The following BBOX1 variants were observed in gnomAD, a reference collection of about 807,000 sequenced individuals.
BBOX1 encodes the protein gamma-butyrobetaine dioxygenase.
In BBOX1, 35 loss-of-function variants were observed where a neutral mutation model predicts 41.6. The ratio of observed to expected loss-of-function variants is 0.84; its 90% CI spans 0.64 to 1.11. The LOEUF (loss-of-function observed/expected upper bound fraction) is 1.11. Among genes scored for constraint, BBOX1 ranks in the 50% most tolerant of loss-of-function variants. BBOX1 has a pLI of 0.00. For synonymous variants in BBOX1, 163 were observed against 154.7 expected, an observed-to-expected ratio of 1.05 and a Z score of -0.40; for missense variants, 458 against 460.6, an observed-to-expected ratio of 0.99 and a Z score of 0.05.
chr11:27,105,928 G>C (rs1255438030), intron 5 of BBOX1, among the ~76,000 whole-genome samples: 20 of 152,204 alleles, frequency 1.3e-4, no homozygotes, highest in South Asian at 4.2e-4. Flanking sequence ...GAGAGTGGGG[G>C]CAAATATTCA....
intron 4 of BBOX1, among the ~76,000 whole-genome samples, chr11:27,063,830 C>A (rs1400332881): frequency 6.6e-6 from 1 of 150,918 alleles, no homozygotes; most frequent in Non-Finnish European, 1.5e-5. Context: ...CTGTTAGGAC[C>A]CTCTAAAATC....
chr11:27,054,205 C>CTGTG (rs57324926), intron 2 of BBOX1, among the ~76,000 whole-genome samples: 12,842 of 139,376 alleles, frequency 0.092, 596 homozygotes, highest in Middle Eastern at 0.15. Flanking sequence ...GTGTGTGTGT[C>CTGTG]TGTGTGTGTG....
intron 5 of BBOX1, among the ~76,000 whole-genome samples, chr11:27,097,350 A>G (rs938155156): frequency 6.6e-6 from 1 of 152,078 alleles, no homozygotes; most frequent in South Asian, 2.1e-4. Flanking sequence ...ACTACATTCT[A>G]TCATACACTG....
intron 4 of BBOX1, among the ~76,000 whole-genome samples, chr11:27,058,592 T>A (rs1857054312): frequency 6.6e-6 from 1 of 152,184 alleles, no homozygotes. Context: ...AATGCCTGGC[T>A]GATGAGTTAT....
Position 27,055,493 on chromosome 11 carries a change from G to C in BBOX1, c.63G>C (p.Trp21Cys). 1 of 1,614,162 alleles carries C rather than the reference G, an allele frequency of 6.2e-7. No homozygotes were observed. Among genetic ancestry groups the C allele is most frequent in the Non-Finnish European group, 8.5e-7 (1 of 1,180,044 alleles). The change falls in exon 3 of 9, where the codon TGG becomes TGC. Residue 21 changes from tryptophan to cysteine, a missense_variant. Transcript: ENST00000263182. ...GGGCTCATTTGATGCAGATCCTCTG[G>C]TATGATGAGGAAGAGTCTCTCTACC... ...LDGAHLMQIL[W>C]YDEEESLYPA... is the part of the protein sequence containing the mutation.
intron 4 of BBOX1, among the ~76,000 whole-genome samples, chr11:27,076,908 A>G (rs1281156713): frequency 2.6e-5 from 4 of 152,156 alleles, no homozygotes; most frequent in Non-Finnish European, 5.9e-5. Flanking sequence ...GGCAGGTCTC[A>G]GACTTGCAGT....
At chr11:27,080,155 T>C (rs10767607) in intron 4 of BBOX1, among the ~76,000 whole-genome samples, 35,287 of 151,990 alleles carry the variant, frequency 0.23, 4,855 homozygotes, top group African/African-American at 0.37. Flanking sequence ...ATTGTAACCA[T>C]TTTATACACA....
intron 8 of BBOX1, 55 bp downstream of exon 8, chr11:27,125,875 A>C: frequency 6.4e-7 from 1 of 1,557,028 alleles, no homozygotes; most frequent in Non-Finnish European, 8.7e-7. Flanking sequence ...TTCAACCTTA[A>C]CCACCTAGAA....
intron 6 of BBOX1, 32 bp from the exon 7 acceptor site, chr11:27,119,616 AT>A (rs1048875652): frequency 1.7e-6 from 2 of 1,159,338 alleles, no homozygotes; most frequent in African/African-American, 3.3e-5. Flanking sequence ...GTAATTTAAT[AT>A]TTATTTAATA....
chr11:27,084,956 T>C (rs74971286), intron 4 of BBOX1, among the ~76,000 whole-genome samples: 3 of 152,294 alleles, frequency 2.0e-5, no homozygotes, highest in Admixed American at 1.3e-4. Flanking sequence ...ATTCCATCAT[T>C]TTTCGTAATG....
intron 4 of BBOX1, among the ~76,000 whole-genome samples, chr11:27,089,253 T>C (rs1324808214): frequency 6.6e-6 from 1 of 151,974 alleles, no homozygotes; most frequent in Admixed American, 6.6e-5. Context: ...CAAATCTCAA[T>C]AACCATGTGT....
At chr11:27,071,880 C>G (rs1341351754) in intron 4 of BBOX1, among the ~76,000 whole-genome samples, 1 of 152,086 alleles carries the variant, frequency 6.6e-6, no homozygotes, top group Non-Finnish European at 1.5e-5. Context: ...GCCCTTCATG[C>G]TAAAAACTCT....
chr11:27,087,757 A>T (rs1858094702), intron 4 of BBOX1, among the ~76,000 whole-genome samples: 2 of 152,072 alleles, frequency 1.3e-5, no homozygotes, highest in South Asian at 4.1e-4. Context: ...AGAGGCTCAT[A>T]TTGGTACACA....
chr11:27,102,420 G>T (rs1260440426), intron 5 of BBOX1, among the ~76,000 whole-genome samples: 1 of 152,014 alleles, frequency 6.6e-6, no homozygotes, highest in East Asian at 1.9e-4. Flanking sequence ...TCAAAAAATG[G>T]AACGTTGCCA....
intron 4 of BBOX1, among the ~76,000 whole-genome samples, chr11:27,065,216 G>T (rs763586737): frequency 1.3e-5 from 2 of 152,116 alleles, no homozygotes; most frequent in Non-Finnish European, 2.9e-5. Flanking sequence ...TTTCTCACTG[G>T]TATAATTCTT....
intron 4 of BBOX1, among the ~76,000 whole-genome samples, 179 bp from the exon 5 acceptor site, chr11:27,092,989 T>G (rs1858303839): frequency 6.6e-6 from 1 of 151,930 alleles, no homozygotes; most frequent in Admixed American, 6.6e-5. Flanking sequence ...TATAACAGAC[T>G]GGTGTGGTGC....
chr11:27,053,456 G>A (rs1344478119), intron 2 of BBOX1, among the ~76,000 whole-genome samples: 1 of 152,228 alleles, frequency 6.6e-6, no homozygotes, highest in Non-Finnish European at 1.5e-5. Context: ...ACAGGAATAT[G>A]TAGCAGGGAC....
chr11:27,110,899 T>G (rs991643533), intron 5 of BBOX1, among the ~76,000 whole-genome samples: 1 of 151,980 alleles, frequency 6.6e-6, no homozygotes, highest in Non-Finnish European at 1.5e-5. Flanking sequence ...CATGTATATA[T>G]AGTGAACATT....
In BBOX1 at chr11:27,090,840, A is replaced by G. The variant is rs538514198; in HGVS notation, c.335-2328A>G. ...GAATGCATTCCTTTCCCAGGGTATT[A>G]ATATTAATATTCCTTGCTAGGAAAA... On this transcript the variant is annotated intron_variant, in intron 4 of 8. Transcript: ENST00000263182. Among the ~76,000 whole-genome samples, 10 of 151,962 alleles carry G rather than the reference A, an allele frequency of 6.6e-5. No homozygotes were observed. The South Asian group carries it at 2.1e-3, about 32-fold the overall frequency.
Sources: allele counts gnomAD v4.1 joint callset (sites outside exome capture counted in the v4.1 genomes callset), GRCh38; gene constraint gnomAD v4.1.1; transcripts MANE v1.5; gene names NCBI Gene and HGNC (gene_info 2026-07-23, HGNC 2026-07-21).